Variants in ATP11A observed in about 807,000 individuals in gnomAD.
ATP11A encodes ATPase phospholipid transporting 11A.
A neutral mutation model predicts 154.4 loss-of-function variants in ATP11A; 81 were observed. The ratio of observed to expected loss-of-function variants is 0.52; its 90% confidence interval spans 0.44 to 0.63. The LOEUF is 0.63. ATP11A is among the 30% of genes least tolerant of loss of function. ATP11A has a pLI of 0.00. For missense variants in ATP11A, 1,316 were observed against 1,474.3 expected, an observed-to-expected ratio of 0.89 and a Z score of 1.76; for synonymous variants, 623 against 585.9, an observed-to-expected ratio of 1.06 and a Z score of -0.91.
At chr13:112,743,097 C>T (rs565462348) in intron 1 of ATP11A, among the ~76,000 whole-genome samples, 3 of 152,344 alleles carry the variant, frequency 2.0e-5, no homozygotes, top group South Asian at 2.1e-4. Flanking sequence ...GCTGTGGCTT[C>T]TCTGGGGAAG....
At position 112,875,979 on chromosome 13, in the gene ATP11A, G is replaced by A; in HGVS notation, c.3327+38G>A. The A allele has an allele frequency of 1.9e-6, 3 of 1,586,210 alleles. No homozygotes were observed. In the South Asian group the frequency reaches 3.3e-5, roughly 18 times the overall value. On this transcript the variant is annotated intron_variant, in intron 28 of 29. Transcript: ENST00000375645. This position sits in a 1 kb window ranked among gnomAD's most constrained non-coding sequence, Gnocchi z 4.1. The stretch of plus-strand genomic sequence containing the variant: ...CCCAGCCGGGGCGGGGGTGCCTCAG[G>A]GCCCTGGCCTTAGGATTGGGAGATG...
At position 112,746,488 on chromosome 13, in the gene ATP11A, T is replaced by C. The variant is rs1479918178; in HGVS notation, c.40-38647T>C. On this transcript the variant is annotated intron_variant, in intron 1 of 29. Coordinates refer to ENST00000375645, the MANE Select transcript of ATP11A (RefSeq NM_015205.3). This position sits in a 1 kb window ranked among gnomAD's most constrained non-coding sequence, Gnocchi z 4.1. ...CCACGTCCTCACCGGCACTTGGCAC[T>C]GTCTAGTGTTTTGGTAGCAGCCATC... The C allele has an allele frequency of 6.6e-6, 1 of 152,174 alleles. No individual in the cohort carries two copies. Among genetic ancestry groups the C allele is most frequent in the African/African-American group, 2.4e-5 (1 of 41,430 alleles). The allele number at this position is 152,174 out of a possible 1,614,324, so 9.4% of individuals were successfully genotyped here.
Position 112,873,587 on chromosome 13 carries a change from A to C in ATP11A, c.3072A>C (p.Thr1024=). The C allele has an allele frequency of 6.2e-7, 1 of 1,605,112 alleles. No homozygotes were observed. The highest frequency in any genetic ancestry group is 8.5e-7 in the Non-Finnish European group (1 of 1,177,600). The change falls in exon 27 of 30, where the codon ACA becomes ACC. Residue 1024 remains threonine, a synonymous_variant. Transcript: ENST00000375645. ...TTTCCTTTTAGCTTGCATTGGACAC[A>C]CACTACTGGACTTGGATCAACCATT... ...FTVTLKLALD[T]HYWTWINHFV... is the part of the protein sequence containing the mutation.
At chr13:112,761,212 A>C (rs2076954445) in intron 1 of ATP11A, among the ~76,000 whole-genome samples, 1 of 152,148 alleles carries the variant, frequency 6.6e-6, no homozygotes, top group African/African-American at 2.4e-5. Flanking sequence ...CATGGCCCCA[A>C]AGCACAAGAG....
chr13:112,874,798 C>A (rs1566603810), intron 27 of ATP11A, among the ~76,000 whole-genome samples: 1 of 152,150 alleles, frequency 6.6e-6, no homozygotes, highest in East Asian at 1.9e-4. Context: ...TCTAGAGAGC[C>A]CAGCCCGGCT....
chr13:112,714,727 C>T (rs1021728937), intron 1 of ATP11A, among the ~76,000 whole-genome samples: 1 of 152,212 alleles, frequency 6.6e-6, no homozygotes, highest in Non-Finnish European at 1.5e-5. Flanking sequence ...CCCTTGCCAC[C>T]TCGGCTTCTG....
At chr13:112,813,045 A>G (rs1276361769) in intron 5 of ATP11A, among the ~76,000 whole-genome samples, 1 of 152,216 alleles carries the variant, frequency 6.6e-6, no homozygotes, top group Non-Finnish European at 1.5e-5. Flanking sequence ...CCAGCTCTGT[A>G]TCCTGTGTGT....
rs2079649426 is a variant in ATP11A at position 112,847,792 on chromosome 13, A to C, written c.1810-3245A>C. ...GATGGGCTTTTTCATTTGTGCAGAA[A>C]ATGCCACTGGGGGCCAGGTACGGTG... On this transcript the variant is annotated intron_variant, in intron 17 of 29. Transcript: ENST00000375645. 2.6e-5 allele frequency among the ~76,000 whole-genome samples: 4 copies of C among 152,352 alleles called. No homozygotes were observed. The South Asian group carries it at 6.2e-4, about 24-fold the overall frequency.
chr13:112,710,280 C>A (rs1217835228), intron 1 of ATP11A, among the ~76,000 whole-genome samples: 2 of 152,116 alleles, frequency 1.3e-5, no homozygotes, highest in African/African-American at 4.8e-5. Flanking sequence ...GCATCGTGTT[C>A]GCAAAGCCAG....
chr13:112,762,863 G>A (rs1370197725), intron 1 of ATP11A, among the ~76,000 whole-genome samples: 2 of 152,246 alleles, frequency 1.3e-5, no homozygotes, highest in South Asian at 2.1e-4. Context: ...CGTGTGTGCC[G>A]GGAGCACAGG....
chr13:112,733,605 C>T (rs1890705753), intron 1 of ATP11A, among the ~76,000 whole-genome samples: 1 of 152,148 alleles, frequency 6.6e-6, no homozygotes, highest in Non-Finnish European at 1.5e-5. Context: ...AATCCAGAAC[C>T]TTCGAGGTAG....
chr13:112,772,483 C>T (rs2077248789), intron 1 of ATP11A, among the ~76,000 whole-genome samples: 1 of 152,270 alleles, frequency 6.6e-6, no homozygotes, highest in Non-Finnish European at 1.5e-5. Flanking sequence ...ATTATATTTA[C>T]CAAGCTACAC....
rs146275993 is a variant in ATP11A, at chr13:112,854,400, C to T, written c.2113C>T (p.Arg705Cys). The change falls in exon 19 of 30, where the codon CGC (arginine) becomes TGC (cysteine). Residue 705 changes from arginine (R) to cysteine (C), a missense_variant. By Grantham distance (180) the Arg-to-Cys change is radical. This residue lies in a region of ATP11A where 876 missense variants were observed against 1,006.8 expected (regional missense o/e 0.87). Coordinates refer to ENST00000375645, the MANE Select transcript of ATP11A (RefSeq NM_015205.3). ...CACGTGCTACGCCTGCAAGCTCTTC[C>T]GCAGGAACACGCAGCTGCTGGAGCT... Reference protein sequence around the residue: ...AATCYACKLFRRNTQLLELTT... With the variant: ...AATCYACKLFCRNTQLLELTT... 2.3e-4 allele frequency: 376 copies of T among 1,613,748 alleles called. 3 individuals carry two copies. The South Asian group carries it at 2.5e-3, about 11-fold the overall frequency.
In ATP11A at chr13:112,746,726, AAAAAAAAG is replaced by A. The variant is rs1892204794; in HGVS notation, c.40-38407_40-38400del. 6.6e-6 allele frequency: 1 copy of A among 151,460 alleles called. No individual in the cohort carries two copies. The highest frequency in any genetic ancestry group is 2.4e-5 in the African/African-American group (1 of 41,232). 9.4% of individuals were successfully genotyped at this position (151,460 alleles called of 1,614,324 possible). On this transcript the variant is annotated intron_variant, in intron 1 of 29. Transcript: ENST00000375645. This position sits in a 1 kb window ranked among gnomAD's most constrained non-coding sequence, Gnocchi z 4.1. Reference sequence around the variant, plus strand: ...ATGCCTGGCTAATTAAAAAAAAAAAAAAAAAAAGACAACTTTTTTTGGAGAGGGAGGGT... The same window carrying A: ...ATGCCTGGCTAATTAAAAAAAAAAAAACAACTTTTTTTGGAGAGGGAGGGT...
At chr13:112,764,297 A>T (rs2139895718) in intron 1 of ATP11A, among the ~76,000 whole-genome samples, 1 of 152,122 alleles carries the variant, frequency 6.6e-6, no homozygotes, top group South Asian at 2.1e-4. Context: ...CTCATGCTTG[A>T]GTGTTTATCA....
At position 112,804,982 on chromosome 13, in the gene ATP11A, A is replaced by T. The variant is rs1188865645; in HGVS notation, c.188A>T (p.Lys63Met). ...TACACATTTTGGAACTTTATACCCAAGAATTTATTTGAACAATTCAGAAGA... is the reference window on the plus strand; with the variant it reads ...TACACATTTTGGAACTTTATACCCATGAATTTATTTGAACAATTCAGAAGA... ...SKYTFWNFIP[K>M]NLFEQFRRVA... The change falls in exon 3 of 30, where the codon AAG (lysine) becomes ATG (methionine). Residue 63 changes from lysine (K) to methionine (M), a missense_variant. Around this residue, in one of 5 missense-constraint regions of ATP11A, gnomAD observed 123 missense variants for 113.7 expected, o/e 1.08. Coordinates refer to ENST00000375645, the MANE Select transcript of ATP11A (RefSeq NM_015205.3). The T allele has an allele frequency of 3.1e-6, 5 of 1,610,848 alleles. No individual in the cohort carries two copies. Among genetic ancestry groups the T allele is most frequent in the Non-Finnish European group, 4.2e-6 (5 of 1,178,606 alleles).
At chr13:112,739,745 G>A (rs1163285009) in intron 1 of ATP11A, among the ~76,000 whole-genome samples, 2 of 152,180 alleles carry the variant, frequency 1.3e-5, no homozygotes, top group Non-Finnish European at 2.9e-5. Flanking sequence ...ATCAGTAGAC[G>A]AATGGGTAAA....
At position 112,690,478 on chromosome 13, in the gene ATP11A, G is replaced by C; in HGVS notation, c.39+23G>C. The C allele has an allele frequency of 7.5e-7, 1 of 1,328,752 alleles. No homozygotes were observed. The highest frequency in any genetic ancestry group is 2.3e-5 in the South Asian group (1 of 44,428). 82.3% of individuals were successfully genotyped at this position (1,328,752 alleles called of 1,614,324 possible). A position where few individuals can be genotyped will look rare whatever the true frequency, so the allele number is the denominator to read the frequency against. ...TACGTGAGTGCTCCCGGCGCGGGCTGGGGGACCCGGGGACCAGACAGACGC... is the reference window on the plus strand; with the variant it reads ...TACGTGAGTGCTCCCGGCGCGGGCTCGGGGACCCGGGGACCAGACAGACGC... On this transcript the variant is annotated intron_variant, in intron 1 of 29. Coordinates refer to ENST00000375645, the MANE Select transcript of ATP11A (RefSeq NM_015205.3). This position sits in a 1 kb window ranked among gnomAD's most constrained non-coding sequence, Gnocchi z 5.6.
rs71208910 is a variant in ATP11A at position 112,740,126 on chromosome 13, T to TTCTCTC, written c.40-44991_40-44986dup. Reference sequence around the variant, plus strand: ...AAGGGTGAATTTTATAGCATGTGAATTCTCTCTCTCTCTCTCTCTCTCTAT... The same window carrying TTCTCTC: ...AAGGGTGAATTTTATAGCATGTGAATTCTCTCTCTCTCTCTCTCTCTCTCTCTCTAT... On this transcript the variant is annotated intron_variant, in intron 1 of 29. Coordinates refer to ENST00000375645, the MANE Select transcript of ATP11A (RefSeq NM_015205.3). Among the ~76,000 whole-genome samples the TTCTCTC allele has an allele frequency of 1.4e-3, 201 of 142,374 alleles. 1 individual carries two copies. The highest frequency in any genetic ancestry group is 4.5e-3 in the African/African-American group (175 of 38,640). 93.4% of individuals were successfully genotyped at this position (142,374 alleles called of 152,430 possible).
Sources: allele counts gnomAD v4.1 joint callset (sites outside exome capture counted in the v4.1 genomes callset), GRCh38; gene constraint gnomAD v4.1.1; regional missense constraint gnomAD v4.1.1; non-coding constraint Gnocchi (gnomAD v3.1); transcripts MANE v1.5; gene names NCBI Gene and HGNC (gene_info 2026-07-23, HGNC 2026-07-21).